Variants in CAPN6 observed in about 807,000 individuals in gnomAD.
The protein encoded by CAPN6 is calpain-6.
A neutral mutation model predicts 46.0 loss-of-function variants in CAPN6; 16 were observed. The observed-to-expected ratio is 0.35, with a 90% confidence interval of 0.24 to 0.53. The LOEUF (loss-of-function observed/expected upper bound fraction) is 0.53. Among genes scored for constraint, CAPN6 ranks in the 20% least tolerant of loss-of-function variants. The pLI is 0.94. For missense variants in CAPN6, 461 were observed against 498.0 expected, an observed-to-expected ratio of 0.93 and a Z score of 0.71; for synonymous variants, 206 against 172.8, an observed-to-expected ratio of 1.19 and a Z score of -1.51.
At chrX:111,257,445 C>T (rs932640146) in intron 2 of CAPN6, among the ~76,000 whole-genome samples, 5 of 111,889 alleles carry the variant, frequency 4.5e-5, no homozygotes, top group East Asian at 2.8e-4. Flanking sequence ...ATATGAAATA[C>T]GGGAAATAAA....
rs1179644608 is a variant in CAPN6 at position 111,253,198 on chromosome X, C to T, written c.316G>A (p.Glu106Lys). The T allele has an allele frequency of 8.3e-7, 1 of 1,203,672 alleles. No homozygotes were observed. The highest frequency in any genetic ancestry group is 1.1e-6 in the Non-Finnish European group (1 of 889,324). Residue 106 changes from glutamate (E) to lysine (K), a missense_variant, in exon 4 of 13, where the codon GAA becomes AAA. Glu to Lys is a moderately conservative substitution (Grantham distance 56). Transcript: ENST00000324068. ...HWTKTIPNHK[E>K]QEWDPQKTEK... is the part of the protein sequence containing the mutation. ...GTTTTTTGAGGGTCCCATTCCTGTT[C>T]CTTATGGTTGGGAATTGTCTAGAAA...
In CAPN6 at chrX:111,268,246, C is replaced by T. The variant is rs773359959; in HGVS notation, c.-16+2125G>A. Among the ~76,000 whole-genome samples the T allele has an allele frequency of 8.0e-5, 9 of 111,893 alleles. No homozygotes were observed. In the East Asian group the frequency reaches 1.4e-3, roughly 18 times the overall value. On this transcript the variant is annotated intron_variant, in intron 1 of 12. Transcript: ENST00000324068. ...AAAAAAAGAGGACACAATTTTAATT[C>T]GGTTGCTCAATAACTCTATCAAAAA...
Position 111,254,322 on chromosome X carries a change from T to C in CAPN6, c.247A>G (p.Met83Val). Reference sequence around the variant, plus strand: ...GCCAAACAGGAAAATGCAGAAACCATTGGCTTGTGCCCCAGTCTCCCTTGG... The same window carrying C: ...GCCAAACAGGAAAATGCAGAAACCACTGGCTTGTGCCCCAGTCTCCCTTGG... ...LTQGRLGHKPMVSAFSCLAVQ... is the reference protein window; with the variant it reads ...LTQGRLGHKPVVSAFSCLAVQ... Residue 83 changes from methionine (M) to valine (V), a missense_variant, in exon 3 of 13, where the codon ATG (methionine) becomes GTG (valine). Met to Val is a conservative substitution (Grantham distance 21, BLOSUM62 1). Coordinates refer to ENST00000324068, the MANE Select transcript of CAPN6 (RefSeq NM_014289.4). The C allele has an allele frequency of 4.1e-6, 5 of 1,208,476 alleles. No homozygotes were observed. The highest frequency in any genetic ancestry group is 2.2e-5 in the Admixed American group (1 of 45,970).
Position 111,251,551 on chromosome X carries a change from T to A in CAPN6, c.891A>T (p.Glu297Asp). The A allele has an allele frequency of 1.7e-6, 2 of 1,201,471 alleles. No individual in the cohort carries two copies. The highest frequency in any genetic ancestry group is 2.3e-6 in the Non-Finnish European group (2 of 886,946). ...GRQEWSGPWS[E>D]ISEEWQQLTA... ...TGTGAAAGTGGAATGCAACTCACAT[T>A]TCACTCCAGGGGCCACTCCATTCCT... The change falls in exon 6 of 13, where the codon GAA becomes GAT. Residue 297 changes from glutamate (E) to aspartate (D), a missense_variant and splice_region_variant. Glu to Asp is a conservative substitution (Grantham distance 45). Transcript: ENST00000324068.
intron 3 of CAPN6, among the ~76,000 whole-genome samples, chrX:111,253,620 T>C (rs1220844839): frequency 8.9e-6 from 1 of 112,902 alleles, no homozygotes; most frequent in African/African-American, 3.2e-5. Context: ...AGTTTGCTTT[T>C]TAAATATCCA....
intron 4 of CAPN6, 116 bp from the exon 5 acceptor site, chrX:111,252,615 G>C: frequency 5.6e-6 from 3 of 532,398 alleles, no homozygotes; most frequent in Middle Eastern, 7.3e-4. Flanking sequence ...CTTTTCTCTA[G>C]GTATGAAATG....
intron 2 of CAPN6, among the ~76,000 whole-genome samples, chrX:111,257,886 G>T (rs998718935): frequency 9.0e-6 from 1 of 111,672 alleles, no homozygotes; most frequent in Non-Finnish European, 1.9e-5. Context: ...TGATCATTTT[G>T]TCACGGCAAA....
intron 4 of CAPN6, 31 bp from the exon 5 acceptor site, chrX:111,252,530 A>G (rs756296707): frequency 1.4e-5 from 16 of 1,136,131 alleles, no homozygotes; most frequent in Non-Finnish European, 1.9e-5. Context: ...TTATCTTTGT[A>G]AAATTGTTTT....
intron 2 of CAPN6, among the ~76,000 whole-genome samples, chrX:111,258,105 C>A (rs996464118): frequency 1.8e-5 from 2 of 111,685 alleles, no homozygotes; most frequent in Non-Finnish European, 3.8e-5. Flanking sequence ...CGGGAGGGGG[C>A]ATACAGTTAC....
chrX:111,260,110 T>C (rs1007348724), intron 2 of CAPN6, among the ~76,000 whole-genome samples: 32 of 112,407 alleles, frequency 2.8e-4, no homozygotes, highest in African/African-American at 1.0e-3. Flanking sequence ...CTGGAGAAAT[T>C]AAGAAGAACT....
rs757479503 is a variant in CAPN6 at position 111,252,288 on chromosome X, G to A, written c.699+19C>T. On this transcript the variant is annotated intron_variant, in intron 5 of 12. Coordinates refer to ENST00000324068, the MANE Select transcript of CAPN6 (RefSeq NM_014289.4). ...TGCCAGGAATGAGTATACAGTGGTT[G>A]TTTTTCATGAGTACAAACCTCAATG... 2.6e-6 allele frequency: 3 copies of A among 1,158,828 alleles called. No homozygotes were observed. The Admixed American group carries it at 7.1e-5, about 27-fold the overall frequency.
intron 2 of CAPN6, among the ~76,000 whole-genome samples, 198 bp from the exon 3 acceptor site, chrX:111,254,601 A>T (rs1010349880): frequency 9.0e-6 from 1 of 111,539 alleles, no homozygotes; most frequent in African/African-American, 3.3e-5. Context: ...ATCTAGCCCC[A>T]TGTTTGGAAG....
chrX:111,268,814 T>C (rs1169475609), intron 1 of CAPN6, among the ~76,000 whole-genome samples: 1 of 112,390 alleles, frequency 8.9e-6, no homozygotes, highest in African/African-American at 3.2e-5. Context: ...CTTTCTTTTG[T>C]TGTAAGGTAA....
At chrX:111,266,040 A>C (rs916097209) in intron 1 of CAPN6, among the ~76,000 whole-genome samples, 6 of 110,014 alleles carry the variant, frequency 5.5e-5, no homozygotes, top group Non-Finnish European at 1.1e-4. Flanking sequence ...CTTTTGGGTC[A>C]GGGTGCCTGT....
intron 2 of CAPN6, among the ~76,000 whole-genome samples, chrX:111,255,332 G>C (rs1318275626): frequency 1.8e-5 from 2 of 112,340 alleles, no homozygotes; most frequent in Non-Finnish European, 3.8e-5. Flanking sequence ...TAGGCAGTTG[G>C]ACAAGAGAGG....
In CAPN6 at chrX:111,249,985, C is replaced by T. The variant is rs761538624; in HGVS notation, c.1159-928G>A. On this transcript the variant is annotated intron_variant, in intron 8 of 12. Transcript: ENST00000324068. Reference sequence around the variant, plus strand: ...CCTGTACATACATATAGAGTGAAGCCATTTTCCCAGCTTAGTATATGTGCC... The same window carrying T: ...CCTGTACATACATATAGAGTGAAGCTATTTTCCCAGCTTAGTATATGTGCC... Among the ~76,000 whole-genome samples, 3 of 111,123 alleles carry T rather than the reference C, an allele frequency of 2.7e-5. No homozygotes were observed. In the East Asian group the frequency reaches 8.5e-4, roughly 31 times the overall value.
chrX:111,255,894 G>T (rs1326559478), intron 2 of CAPN6, among the ~76,000 whole-genome samples: 1 of 111,285 alleles, frequency 9.0e-6, no homozygotes, highest in Non-Finnish European at 1.9e-5. Context: ...TTTTGTTTTA[G>T]GAGAATTTTC....
rs762841737 is a variant in CAPN6 at position 111,246,730 on chromosome X, C to T, written c.1773G>A (p.Gln591=). 9.1e-6 allele frequency: 11 copies of T among 1,210,344 alleles called. No individual in the cohort carries two copies. The South Asian group carries it at 1.8e-4, about 19-fold the overall frequency. Residue 591 remains glutamine, a synonymous_variant, in exon 13 of 13, where the codon CAG becomes CAA. Transcript: ENST00000324068. ...QVWNSRKFCD[Q]FLGQVTLDAD... ...CATCCAGAGTAACCTGCCCCAAGAA[C>T]TGATCACAGAATTTTCGGCTGTTCC...
intron 2 of CAPN6, among the ~76,000 whole-genome samples, chrX:111,258,656 C>G (rs2094985646): frequency 9.0e-6 from 1 of 111,355 alleles, no homozygotes; most frequent in Non-Finnish European, 1.9e-5. Flanking sequence ...TAGTCTCTTC[C>G]TTCCTAACCC....
Sources: gnomAD v4.1 joint callset for allele counts (sites outside exome capture counted in the v4.1 genomes callset) on GRCh38, gnomAD v4.1.1 for gene constraint, MANE v1.5 for transcripts, NCBI Gene and HGNC (gene_info 2026-07-23, HGNC 2026-07-21) for gene names.